Variants in ATAD1 observed in about 807,000 individuals in gnomAD.
ATAD1 encodes ATPase family AAA domain containing 1.
A neutral mutation model predicts 42.7 loss-of-function variants in ATAD1; 18 were observed. The ratio of observed to expected loss-of-function variants is 0.42; its 90% CI spans 0.29 to 0.63. ATAD1 has a LOEUF of 0.63. Among genes scored for constraint, ATAD1 ranks in the 20% least tolerant of loss-of-function variants. ATAD1 has a pLI of 0.19. For missense variants in ATAD1, 294 were observed against 440.4 expected (o/e 0.67, Z 2.98); for synonymous variants, 132 against 143.1 (o/e 0.92, Z 0.55).
intron 1 of ATAD1, among the ~76,000 whole-genome samples, chr10:87,825,318 T>G (rs1313181034): frequency 6.6e-6 from 1 of 150,578 alleles, no homozygotes; most frequent in African/African-American, 2.5e-5. Flanking sequence ...CTTTTTTTTT[T>G]TTTTTTTTTG....
rs61855185 is a variant in ATAD1, at chr10:87,757,808, C to T, written c.832-886G>A. 8.4e-3 allele frequency among the ~76,000 whole-genome samples: 1,271 copies of T among 152,206 alleles called. 4 individuals carry two copies. The highest frequency in any genetic ancestry group is 0.014 in the Non-Finnish European group (960 of 67,994). On this transcript the variant is annotated intron_variant, in intron 8 of 9. Coordinates refer to ENST00000680024, the MANE Select transcript of ATAD1 (RefSeq NM_001321967.2). The stretch of plus-strand genomic sequence containing the variant: ...TATTTACTAAATTCCCATTTGTATA[C>T]GTGGAAGACACAGTGTTTTAGGAAG...
intron 4 of ATAD1, among the ~76,000 whole-genome samples, chr10:87,785,702 A>G (rs1441194754): frequency 6.6e-6 from 1 of 151,356 alleles, no homozygotes; most frequent in Admixed American, 6.6e-5. Flanking sequence ...ATAATTTTGT[A>G]TGAAAATTCC....
intron 2 of ATAD1, among the ~76,000 whole-genome samples, chr10:87,796,416 C>T (rs2131963401): frequency 6.6e-6 from 1 of 152,286 alleles, no homozygotes; most frequent in East Asian, 1.9e-4. Flanking sequence ...CAAAAGAATG[C>T]AATCATTTGC....
At chr10:87,790,220 G>C in intron 4 of ATAD1, 90 bp downstream of exon 4, 2 of 1,473,588 alleles carry the variant, frequency 1.4e-6, no homozygotes, top group South Asian at 2.5e-5. Flanking sequence ...TTGAGAATCT[G>C]ATTTCACAAA....
intron 1 of ATAD1, among the ~76,000 whole-genome samples, chr10:87,839,336 A>G (rs1857987622): frequency 6.6e-6 from 1 of 152,164 alleles, no homozygotes; most frequent in Admixed American, 6.6e-5. Context: ...TTTATCTCTG[A>G]GAAGCTTGCC....
At chr10:87,763,708 C>G (rs1179746786) in intron 8 of ATAD1, among the ~76,000 whole-genome samples, 1 of 151,870 alleles carries the variant, frequency 6.6e-6, no homozygotes, top group Non-Finnish European at 1.5e-5. Context: ...GAGTGAGACT[C>G]TATCTCTCCT....
chr10:87,770,857 C>T (rs1016849773), intron 7 of ATAD1, 95 bp downstream of exon 7: 16 of 1,086,210 alleles, frequency 1.5e-5, no homozygotes, highest in African/African-American at 6.3e-5. Flanking sequence ...ATAAGCACCC[C>T]TATATGACAA....
rs1011493194 is a variant in ATAD1 at position 87,771,780 on chromosome 10, T to C, written c.691-739A>G. ...AAAAAAAAAAAAAGAACTTTAAAAA[T>C]AAACATGAATAAAAACAAAGATATA... On this transcript the variant is annotated intron_variant, in intron 6 of 9. Coordinates refer to ENST00000680024, the MANE Select transcript of ATAD1 (RefSeq NM_001321967.2). Among the ~76,000 whole-genome samples the C allele has an allele frequency of 7.3e-5, 11 of 151,186 alleles. No individual in the cohort carries two copies. In the East Asian group the frequency reaches 2.1e-3, roughly 29 times the overall value.
rs765828494 is a variant in ATAD1 at position 87,814,615 on chromosome 10, T to TAA, written c.-13-5_-13-4dup. 3 of 1,580,540 alleles carry TAA rather than the reference T, an allele frequency of 1.9e-6. No homozygotes were observed. Among genetic ancestry groups the TAA allele is most frequent in the Non-Finnish European group, 8.6e-7 (1 of 1,165,510 alleles). ...CATGTACCATCTTGAATGTTAACCT[T>TAA]AAAAAAACAAACAGAAATGTCACTA... On this transcript the variant is annotated splice_polypyrimidine_tract_variant and splice_region_variant and intron_variant, in intron 1 of 9. Transcript: ENST00000680024.
chr10:87,784,725 A>G (rs1245302049), intron 4 of ATAD1, 55 bp from the exon 5 acceptor site: 1 of 1,486,314 alleles, frequency 6.7e-7, no homozygotes, highest in Non-Finnish European at 9.2e-7. Flanking sequence ...TTCAATTTAT[A>G]TGATAATCAA....
upstream of ATAD1, chr10:87,819,281 AAAAAAAAAAAC>A (rs1488588079): frequency 3.0e-4 from 45 of 149,720 alleles, no homozygotes; most frequent in African/African-American, 1.1e-3. Context: ...AAAAAAAAAA[AAAAAAAAAAAC>A]CACCTAAAAA....
chr10:87,792,631 T>TTAAAAAAA, intron 3 of ATAD1, 26 bp downstream of exon 3: 1 of 616,728 alleles, frequency 1.6e-6, no homozygotes, highest in Non-Finnish European at 2.8e-6. Flanking sequence ...TCTAAAAAAA[T>TTAAAAAAA]CTTAAATAAG....
At chr10:87,799,290 C>A (rs147846530) in intron 2 of ATAD1, among the ~76,000 whole-genome samples, 1 of 152,148 alleles carries the variant, frequency 6.6e-6, no homozygotes. Context: ...CAGCCCCAAA[C>A]AGAATGATCT....
intron 2 of ATAD1, among the ~76,000 whole-genome samples, chr10:87,793,732 A>G (rs938099353): frequency 7.2e-5 from 11 of 152,192 alleles, no homozygotes; most frequent in Non-Finnish European, 1.5e-4. Context: ...ATTTCAATTA[A>G]GTGAACATTT....
chr10:87,813,734 T>G (rs1025039636), intron 2 of ATAD1, among the ~76,000 whole-genome samples: 68 of 152,020 alleles, frequency 4.5e-4, no homozygotes, highest in African/African-American at 1.6e-3. Flanking sequence ...TCCATGAATA[T>G]CCTATTTAAT....
At chr10:87,791,274 A>G (rs1293253174) in intron 3 of ATAD1, among the ~76,000 whole-genome samples, 1 of 151,974 alleles carries the variant, frequency 6.6e-6, no homozygotes, top group African/African-American at 2.4e-5. Context: ...AAAACAGGGC[A>G]TACGTATTTT....
intron 1 of ATAD1, among the ~76,000 whole-genome samples, chr10:87,817,071 C>CT (rs774951128): frequency 2.6e-4 from 39 of 152,288 alleles, no homozygotes; most frequent in Admixed American, 1.1e-3. Context: ...GTAATAAAGA[C>CT]TTAGGTCTAC....
At chr10:87,824,589 T>C (rs1857691956) in intron 1 of ATAD1, among the ~76,000 whole-genome samples, 1 of 152,210 alleles carries the variant, frequency 6.6e-6, no homozygotes, top group Non-Finnish European at 1.5e-5. Flanking sequence ...TAGCAAGTGC[T>C]CAGTAAACAT....
At chr10:87,822,595 A>G (rs1212582312), upstream of ATAD1, among the ~76,000 whole-genome samples, 1 of 152,188 alleles carries the variant, frequency 6.6e-6, no homozygotes, top group Admixed American at 6.5e-5. Context: ...AGTTGAACTC[A>G]TGGAGATAGA....
Sources: gnomAD v4.1 joint callset for allele counts (sites outside exome capture counted in the v4.1 genomes callset) on GRCh38, gnomAD v4.1.1 for gene constraint, MANE v1.5 for transcripts, NCBI Gene and HGNC (gene_info 2026-07-23, HGNC 2026-07-21) for gene names.